Variants in CENPW observed in about 807,000 individuals in gnomAD.
CENPW encodes the protein centromere protein W, also known as cancer-up-regulated gene 2 protein.
CENPW carries 3 observed loss-of-function variants against 11.1 expected under a neutral mutation model. The observed-to-expected ratio is 0.27, with a 90% confidence interval of 0.12 to 0.70. The LOEUF (loss-of-function observed/expected upper bound fraction) is 0.70. Among genes scored for constraint, CENPW ranks in the 30% least tolerant of loss-of-function variants. The pLI is 0.77. For synonymous variants in CENPW, 38 were observed against 42.0 expected, an observed-to-expected ratio of 0.91 and a Z score of 0.37; for missense variants, 100 against 105.6, an observed-to-expected ratio of 0.95 and a Z score of 0.23.
At chr6:126,387,060 G>A in the CENPW span, among the ~76,000 whole-genome samples, 1 of 151,920 alleles carries the variant, frequency 6.6e-6, no homozygotes, top group African/African-American at 2.4e-5. Flanking sequence ...ACTGACTAGT[G>A]AAACAATAAA....
the CENPW span, among the ~76,000 whole-genome samples, chr6:126,397,103 C>A: frequency 6.6e-6 from 1 of 152,000 alleles, no homozygotes; most frequent in Non-Finnish European, 1.5e-5. Context: ...GACTCCAAGC[C>A]CAGCACAGCA....
chr6:126,407,672 T>C, the CENPW span, among the ~76,000 whole-genome samples: 7 of 152,214 alleles, frequency 4.6e-5, no homozygotes, highest in Admixed American at 1.3e-4. Flanking sequence ...GATTTGCATT[T>C]CCTTAATGAT....
chr6:126,354,530 C>T, the CENPW span, among the ~76,000 whole-genome samples: 1 of 152,088 alleles, frequency 6.6e-6, no homozygotes, highest in Non-Finnish European at 1.5e-5. Flanking sequence ...ATTACTTTTG[C>T]ACCCACCTAA....
chr6:126,372,206 C>G, the CENPW span, among the ~76,000 whole-genome samples: 1 of 152,036 alleles, frequency 6.6e-6, no homozygotes, highest in Non-Finnish European at 1.5e-5. Flanking sequence ...TATTCTGATA[C>G]TGTTTCTTTC....
the CENPW span, among the ~76,000 whole-genome samples, chr6:126,410,188 G>T: frequency 6.6e-6 from 1 of 152,050 alleles, no homozygotes; most frequent in Non-Finnish European, 1.5e-5. Flanking sequence ...CAGTCTAGTG[G>T]TGATGAATTT....
the CENPW span, among the ~76,000 whole-genome samples, chr6:126,395,844 C>T: frequency 7.9e-5 from 12 of 152,128 alleles, 1 homozygote; most frequent in Non-Finnish European, 1.6e-4. Context: ...CTGGCTTATC[C>T]GGCAAAGACT....
At chr6:126,376,458 A>G in the CENPW span, among the ~76,000 whole-genome samples, 1 of 152,080 alleles carries the variant, frequency 6.6e-6, no homozygotes, top group Non-Finnish European at 1.5e-5. Flanking sequence ...ACGGAATTGT[A>G]TTACAACATT....
chr6:126,377,213 T>C, the CENPW span, among the ~76,000 whole-genome samples: 2 of 152,116 alleles, frequency 1.3e-5, no homozygotes, highest in Non-Finnish European at 2.9e-5. Context: ...AGTTATATAA[T>C]TACAGAGATC....
the CENPW span, among the ~76,000 whole-genome samples, chr6:126,458,407 CT>C: frequency 6.6e-6 from 1 of 151,466 alleles, no homozygotes; most frequent in African/African-American, 2.4e-5. Flanking sequence ...AGCATTTCTT[CT>C]TCCTGTTTTT....
At chr6:126,379,725 T>C in the CENPW span, among the ~76,000 whole-genome samples, 2 of 152,224 alleles carry the variant, frequency 1.3e-5, no homozygotes, top group East Asian at 3.8e-4. Flanking sequence ...ATGCTGTCAT[T>C]AAATGAGTTG....
At chr6:126,429,901 C>CAAAT in the CENPW span, among the ~76,000 whole-genome samples, 1 of 152,182 alleles carries the variant, frequency 6.6e-6, no homozygotes, top group East Asian at 1.9e-4. Context: ...TCTTACAAGA[C>CAAAT]AAATGAGACA....
At chr6:126,467,545 G>T in the CENPW span, among the ~76,000 whole-genome samples, 1 of 152,078 alleles carries the variant, frequency 6.6e-6, no homozygotes, top group South Asian at 2.1e-4. Context: ...AATGGCCAAA[G>T]CTGGAACAAT....
intron 1 of CENPW, among the ~76,000 whole-genome samples, chr6:126,345,217 CAA>C (rs1018949911): frequency 3.3e-5 from 5 of 151,672 alleles, no homozygotes; most frequent in African/African-American, 1.2e-4. Flanking sequence ...AAATACTTAA[CAA>C]AGTGTTATTT....
chr6:126,371,709 C>T, the CENPW span, among the ~76,000 whole-genome samples: 3 of 152,010 alleles, frequency 2.0e-5, no homozygotes, highest in African/African-American at 7.2e-5. Context: ...CCATCTGGTC[C>T]TGGGCTTTTT....
Position 126,348,501 on chromosome 6 carries a change from G to T in CENPW, c.*9G>T, listed in dbSNP as rs1780451283. 6.9e-7 allele frequency: 1 copy of T among 1,445,280 alleles called. No individual in the cohort carries two copies. Among genetic ancestry groups the T allele is most frequent in the African/African-American group, 1.4e-5 (1 of 71,292 alleles). The allele number at this position is 1,445,280 out of a possible 1,614,324, so 89.5% of individuals were successfully genotyped here. ...AGAAGAGCAGAGGTTAGAAGTCAAA[G>T]AACATATTCTTGAAAGTTATGATGC... is the stretch of plus-strand genomic sequence containing the variant. On this transcript the variant is annotated 3_prime_UTR_variant, in exon 3 of 3. Transcript: ENST00000368328.
At chr6:126,397,816 C>T in the CENPW span, among the ~76,000 whole-genome samples, 1 of 152,130 alleles carries the variant, frequency 6.6e-6, no homozygotes, top group African/African-American at 2.4e-5. Context: ...CTACATTGTC[C>T]TTGTTTCAAT....
At chr6:126,388,076 A>G in the CENPW span, among the ~76,000 whole-genome samples, 2 of 152,040 alleles carry the variant, frequency 1.3e-5, no homozygotes, top group African/African-American at 4.8e-5. Context: ...CAAGCCAAAA[A>G]GAAAGACAAA....
chr6:126,368,420 C>G, the CENPW span, among the ~76,000 whole-genome samples: 4 of 152,016 alleles, frequency 2.6e-5, no homozygotes, highest in Non-Finnish European at 4.4e-5. Flanking sequence ...AAAAGTTGTT[C>G]TGTAGAACCC....
At chr6:126,472,755 G>A in the CENPW span, among the ~76,000 whole-genome samples, 1 of 152,288 alleles carries the variant, frequency 6.6e-6, no homozygotes. Flanking sequence ...CCATTTTACA[G>A]CTGTTCAGCA....
Sources: gnomAD v4.1 joint callset for allele counts (sites outside exome capture counted in the v4.1 genomes callset) on GRCh38, gnomAD v4.1.1 for gene constraint, MANE v1.5 for transcripts, NCBI Gene and HGNC (gene_info 2026-07-23, HGNC 2026-07-21) for gene names.